The following MTMR2 variants were observed in gnomAD, a reference collection of about 807,000 sequenced individuals.
MTMR2 encodes phosphatidylinositol-3,5-bisphosphate 3-phosphatase MTMR2.
MTMR2 carries 55 observed loss-of-function variants against 86.9 expected under a neutral mutation model. The ratio of observed to expected loss-of-function variants is 0.63; its 90% CI spans 0.51 to 0.79. The LOEUF is 0.79. Among genes scored for constraint, MTMR2 ranks in the 30% least tolerant of loss-of-function variants. MTMR2 has a pLI of 0.00. For missense variants in MTMR2, 659 were observed against 772.3 expected, an observed-to-expected ratio of 0.85 and a Z score of 1.74; for synonymous variants, 241 against 266.8, an observed-to-expected ratio of 0.90 and a Z score of 0.94.
chr11:95,875,623 C>T (rs188237762), intron 2 of MTMR2, among the ~76,000 whole-genome samples: 5 of 152,116 alleles, frequency 3.3e-5, no homozygotes, highest in East Asian at 3.9e-4. Flanking sequence ...TGTCCAGCTT[C>T]GTTCCGTTGT....
At chr11:95,846,150 C>G (rs887867785) in intron 10 of MTMR2, among the ~76,000 whole-genome samples, 44 of 152,164 alleles carry the variant, frequency 2.9e-4, no homozygotes, top group African/African-American at 1.0e-3. Context: ...GATCCTAATT[C>G]AGTATCTTAA....
intron 2 of MTMR2, among the ~76,000 whole-genome samples, chr11:95,880,773 T>C (rs1192279460): frequency 1.3e-5 from 2 of 152,086 alleles, no homozygotes; most frequent in South Asian, 4.1e-4. Flanking sequence ...CAACTTTCTG[T>C]TGGGTTGCAT....
In MTMR2 at chr11:95,857,591, C is replaced by T. The variant is rs1356942731; in HGVS notation, c.615G>A (p.Gly205=). The change falls in exon 7 of 15, where the codon GGG becomes GGA. Residue 205 remains glycine (G), a synonymous_variant. Coordinates refer to ENST00000346299, the MANE Select transcript of MTMR2 (RefSeq NM_016156.6). Reference sequence around the variant, plus strand: ...CTAAAAGAGGGTCATATAGCTTCCACCCATTTTCAGGGAATACTTCTTTGT... The same window carrying T: ...CTAAAAGAGGGTCATATAGCTTCCATCCATTTTCAGGGAATACTTCTTTGT... ...FEYKEVFPEN[G]WKLYDPLLEY... The T allele has an allele frequency of 3.1e-6, 5 of 1,612,610 alleles. No individual in the cohort carries two copies. The highest frequency in any genetic ancestry group is 1.1e-5 in the South Asian group (1 of 91,024).
chr11:95,921,472 T>C (rs920311476), intron 1 of MTMR2, among the ~76,000 whole-genome samples: 2 of 152,336 alleles, frequency 1.3e-5, no homozygotes, highest in Non-Finnish European at 2.9e-5. Flanking sequence ...ACAATCTAGA[T>C]AGACACTTAA....
At chr11:95,858,468 A>T in intron 6 of MTMR2, 63 bp downstream of exon 6, 1 of 1,087,958 alleles carries the variant, frequency 9.2e-7, no homozygotes, top group South Asian at 1.2e-5. Context: ...CAGCCTAGAC[A>T]AGTTTCTTTA....
chr11:95,882,725 G>GTTT (rs572839295), intron 2 of MTMR2, among the ~76,000 whole-genome samples: 1 of 127,968 alleles, frequency 7.8e-6, no homozygotes, highest in Admixed American at 8.3e-5. Flanking sequence ...ATTTTGTGTT[G>GTTT]TTTTTTTTTT....
intron 1 of MTMR2, among the ~76,000 whole-genome samples, chr11:95,916,679 T>C (rs1243404277): frequency 6.6e-6 from 1 of 151,928 alleles, no homozygotes; most frequent in Non-Finnish European, 1.5e-5. Flanking sequence ...ATTTTCCAAA[T>C]AACAGTGTTT....
At position 95,858,648 on chromosome 11, in the gene MTMR2, GA is replaced by G. The variant is rs1238833891; in HGVS notation, c.469-17del. ...TCCTAATATCCTAGAAAAGATTTAGGAACCAAGTTAATAATTGTTCACTACT... is the reference window on the plus strand; with the variant it reads ...TCCTAATATCCTAGAAAAGATTTAGGACCAAGTTAATAATTGTTCACTACT... On this transcript the variant is annotated splice_polypyrimidine_tract_variant and intron_variant, in intron 5 of 14. Coordinates refer to ENST00000346299, the MANE Select transcript of MTMR2 (RefSeq NM_016156.6). The G allele has an allele frequency of 6.7e-7, 1 of 1,487,234 alleles. No individual in the cohort carries two copies. The highest frequency in any genetic ancestry group is 1.1e-5 in the South Asian group (1 of 88,798). 92.1% of individuals were successfully genotyped at this position (1,487,234 alleles called of 1,614,324 possible).
intron 1 of MTMR2, among the ~76,000 whole-genome samples, chr11:95,923,386 C>T (rs1429483535): frequency 1.3e-5 from 2 of 151,844 alleles, no homozygotes; most frequent in Non-Finnish European, 2.9e-5. Flanking sequence ...TAGAGAAAAG[C>T]ATGAAAGAAA....
intron 2 of MTMR2, among the ~76,000 whole-genome samples, chr11:95,882,688 T>C (rs980563582): frequency 4.4e-4 from 67 of 150,842 alleles, no homozygotes; most frequent in African/African-American, 1.2e-3. Context: ...ATAAGATATC[T>C]AAAACAAAGA....
chr11:95,847,718 A>AT lies in MTMR2; in HGVS notation c.1174dup (p.Ile392AsnfsTer2). 1 of 1,611,598 alleles carries AT rather than the reference A, an allele frequency of 6.2e-7. No homozygotes were observed. Among genetic ancestry groups the AT allele is most frequent in the Non-Finnish European group, 8.5e-7 (1 of 1,177,774 alleles). ...GATATAGTAACACACACCCACCTTA[A>AT]TATGTTCTAGCCAATGAGTAGATTC... On this transcript the variant is annotated frameshift_variant, in exon 10 of 15. Transcript: ENST00000346299. LOFTEE classifies it high-confidence loss of function.
At chr11:95,848,429 C>G (rs1206759860) in intron 9 of MTMR2, among the ~76,000 whole-genome samples, 9 of 152,090 alleles carry the variant, frequency 5.9e-5, no homozygotes, top group Non-Finnish European at 1.3e-4. Context: ...AATAAAAAGA[C>G]AGAACAAGGA....
intron 1 of MTMR2, among the ~76,000 whole-genome samples, chr11:95,903,941 C>T (rs960955922): frequency 2.6e-5 from 4 of 152,024 alleles, no homozygotes; most frequent in Non-Finnish European, 4.4e-5. Context: ...GGTGAAACCT[C>T]GTCTCTACTA....
intron 7 of MTMR2, 74 bp from the exon 8 acceptor site, chr11:95,850,823 C>T: frequency 1.4e-6 from 2 of 1,398,096 alleles, no homozygotes; most frequent in South Asian, 2.3e-5. Context: ...CAGAAGCCAT[C>T]CTGTTCAATC....
chr11:95,923,798 G>A (rs569957450), intron 1 of MTMR2, 77 bp downstream of exon 1: 5 of 1,520,040 alleles, frequency 3.3e-6, no homozygotes, highest in South Asian at 1.2e-5. Context: ...CCGCGAATTG[G>A]GGCAACAATC....
At chr11:95,891,231 A>G (rs1284950319) in intron 1 of MTMR2, among the ~76,000 whole-genome samples, 1 of 152,136 alleles carries the variant, frequency 6.6e-6, no homozygotes, top group Non-Finnish European at 1.5e-5. Flanking sequence ...AGGGTGGATC[A>G]CTTCAGCCCA....
intron 1 of MTMR2, among the ~76,000 whole-genome samples, chr11:95,908,929 G>C (rs1866394369): frequency 6.6e-6 from 1 of 152,068 alleles, no homozygotes; most frequent in Non-Finnish European, 1.5e-5. Context: ...TAAGACTTAG[G>C]TTTATAGCAA....
chr11:95,862,174 T>C, intron 4 of MTMR2, 72 bp from the exon 5 acceptor site: 2 of 1,534,894 alleles, frequency 1.3e-6, no homozygotes. Flanking sequence ...GATCAAAATC[T>C]TAATCAGAAA....
rs1590967489 is a variant in MTMR2 at position 95,835,141 on chromosome 11, T to C, written c.*149A>G. On this transcript the variant is annotated 3_prime_UTR_variant, in exon 15 of 15. Coordinates refer to ENST00000346299, the MANE Select transcript of MTMR2 (RefSeq NM_016156.6). ...ACTTAAGCCACCTGCACTGCTACAG[T>C]TCTAAACTCATCCTAGAGAGATTTA... is the stretch of plus-strand genomic sequence containing the variant. 2 of 836,302 alleles carry C rather than the reference T, an allele frequency of 2.4e-6. No homozygotes were observed. Among genetic ancestry groups the C allele is most frequent in the Middle Eastern group, 5.7e-4 (2 of 3,496 alleles). The allele number at this position is 836,302 out of a possible 1,614,324, so 51.8% of individuals were successfully genotyped here. A position where few individuals can be genotyped will look rare whatever the true frequency, so the allele number is the denominator to read the frequency against.
Sources: gnomAD v4.1 joint callset for allele counts (sites outside exome capture counted in the v4.1 genomes callset) on GRCh38, gnomAD v4.1.1 for gene constraint, MANE v1.5 for transcripts, NCBI Gene and HGNC (gene_info 2026-07-23, HGNC 2026-07-21) for gene names.